PRKN: variants seen among roughly 807,000 people sequenced by gnomAD.
PRKN encodes E3 ubiquitin-protein ligase parkin.
A neutral mutation model predicts 59.5 loss-of-function variants in PRKN; 56 were observed. The ratio of observed to expected loss-of-function variants is 0.94; its 90% confidence interval spans 0.76 to 1.18. The LOEUF (loss-of-function observed/expected upper bound fraction) is 1.18. Among genes scored for constraint, PRKN ranks in the 50% most tolerant of loss-of-function variants. The probability of loss-of-function intolerance (pLI) is 0.00; values close to 1 mark genes in which losing one functional copy is unlikely to be tolerated. For missense variants in PRKN, 657 were observed against 596.4 expected, an observed-to-expected ratio of 1.10 and a Z score of -1.06; for synonymous variants, 250 against 222.1, an observed-to-expected ratio of 1.13 and a Z score of -1.12.
chr6:161,801,722 C>A (rs963672549), intron 6 of PRKN, among the ~76,000 whole-genome samples: 9 of 152,100 alleles, frequency 5.9e-5, no homozygotes, highest in Non-Finnish European at 7.4e-5. Flanking sequence ...TCTTTCTTCC[C>A]CACAGTCAAG....
At chr6:161,489,999 C>T (rs1402517682) in intron 9 of PRKN, among the ~76,000 whole-genome samples, 4 of 152,208 alleles carry the variant, frequency 2.6e-5, no homozygotes, top group African/African-American at 9.7e-5. Context: ...TTCTCCTTGC[C>T]CATCTGTTCC....
intron 1 of PRKN, among the ~76,000 whole-genome samples, chr6:162,523,339 T>C (rs377425131): frequency 2.8e-4 from 42 of 152,102 alleles, no homozygotes; most frequent in African/African-American, 9.6e-4. Context: ...CGATGGAAAG[T>C]AGAAATAGTA....
chr6:161,843,413 T>C (rs1793070605), intron 6 of PRKN, among the ~76,000 whole-genome samples: 1 of 152,244 alleles, frequency 6.6e-6, no homozygotes, highest in Non-Finnish European at 1.5e-5. Context: ...ACCTTCCACA[T>C]TTGTTCTTAT....
At chr6:162,218,003 G>A (rs2128078929) in intron 3 of PRKN, among the ~76,000 whole-genome samples, 1 of 152,292 alleles carries the variant, frequency 6.6e-6, no homozygotes, top group East Asian at 1.9e-4. Context: ...CGATTGAGAG[G>A]TAGACATGTC....
chr6:161,769,933 A>G (rs866306796), intron 7 of PRKN, among the ~76,000 whole-genome samples: 1 of 152,328 alleles, frequency 6.6e-6, no homozygotes, highest in East Asian at 1.9e-4. Flanking sequence ...TTTAGTCCAC[A>G]ATAACTGGAC....
chr6:161,731,954 A>T (rs1193377996), intron 7 of PRKN, among the ~76,000 whole-genome samples: 1 of 151,752 alleles, frequency 6.6e-6, no homozygotes, highest in African/African-American at 2.4e-5. Context: ...ATTTTTTTTT[A>T]ACTTTTGTTT....
At chr6:162,400,218 A>T (rs1787696219) in intron 2 of PRKN, among the ~76,000 whole-genome samples, 1 of 151,626 alleles carries the variant, frequency 6.6e-6, no homozygotes, top group Non-Finnish European at 1.5e-5. Flanking sequence ...AGAAAAAAAC[A>T]AACAAACAAC....
At chr6:162,058,675 G>T (rs1042505984) in intron 4 of PRKN, among the ~76,000 whole-genome samples, 1 of 152,158 alleles carries the variant, frequency 6.6e-6, no homozygotes, top group South Asian at 2.1e-4. Context: ...CTAATAGGCC[G>T]GGCATGGTGG....
chr6:162,721,557 C>A (rs1042682787), intron 1 of PRKN, among the ~76,000 whole-genome samples: 3 of 152,116 alleles, frequency 2.0e-5, no homozygotes, highest in Non-Finnish European at 4.4e-5. Flanking sequence ...GCCGCCTTCA[C>A]CTAGTTAACT....
chr6:162,144,355 A>G (rs752107864), intron 4 of PRKN, among the ~76,000 whole-genome samples: 3 of 152,228 alleles, frequency 2.0e-5, no homozygotes, highest in Non-Finnish European at 4.4e-5. Flanking sequence ...ATGTGATACG[A>G]TAACAAAAAA....
intron 8 of PRKN, among the ~76,000 whole-genome samples, chr6:161,557,162 T>G (rs184060365): frequency 6.6e-6 from 1 of 152,370 alleles, no homozygotes; most frequent in Non-Finnish European, 1.5e-5. Context: ...GTATGCGTTA[T>G]GCAGGTAGAA....
intron 1 of PRKN, among the ~76,000 whole-genome samples, chr6:162,677,467 A>G (rs1317383809): frequency 5.0e-4 from 3 of 6,034 alleles, no homozygotes; most frequent in African/African-American, 1.5e-3. Context: ...CACTGTGGAG[A>G]AAAAAAAAAA....
chr6:161,589,470 T>C (rs996886273), intron 7 of PRKN, among the ~76,000 whole-genome samples: 5 of 151,980 alleles, frequency 3.3e-5, no homozygotes, highest in Admixed American at 3.3e-4. Context: ...TGAAAGGAAA[T>C]ACAGATTTTT....
intron 2 of PRKN, among the ~76,000 whole-genome samples, chr6:162,297,315 C>T (rs1299365951): frequency 2.0e-5 from 3 of 151,896 alleles, no homozygotes; most frequent in Admixed American, 1.3e-4. Context: ...CAATGGCATC[C>T]GTTACAAGAT....
chr6:162,556,345 G>C (rs932620483), intron 1 of PRKN, among the ~76,000 whole-genome samples: 1 of 50,764 alleles, frequency 2.0e-5, no homozygotes, highest in South Asian at 1.1e-3. Context: ...CTCAGCTGGT[G>C]TGTGTGTGTG....
chr6:162,712,799 T>C (rs1309632066), intron 1 of PRKN, among the ~76,000 whole-genome samples: 1 of 152,206 alleles, frequency 6.6e-6, no homozygotes, highest in Non-Finnish European at 1.5e-5. Context: ...TCTGAGATTA[T>C]TTCATGGAAG....
At chr6:161,543,387 T>C (rs1779685357) in intron 9 of PRKN, among the ~76,000 whole-genome samples, 2 of 152,192 alleles carry the variant, frequency 1.3e-5, no homozygotes, top group African/African-American at 4.8e-5. Flanking sequence ...ATTTTTATAA[T>C]TTTCGAAACC....
chr6:161,953,770 G>A (rs1780071060), intron 6 of PRKN, among the ~76,000 whole-genome samples: 1 of 152,170 alleles, frequency 6.6e-6, no homozygotes, highest in Non-Finnish European at 1.5e-5. Flanking sequence ...CAGGAAGACT[G>A]GGCATCAGAG....
At chr6:162,284,677 T>A (rs532786512) in intron 2 of PRKN, among the ~76,000 whole-genome samples, 1 of 152,312 alleles carries the variant, frequency 6.6e-6, no homozygotes, top group Admixed American at 6.5e-5. Context: ...ACAAGAATAT[T>A]GGACAACTCA....
Sources: allele counts gnomAD v4.1 joint callset (sites outside exome capture counted in the v4.1 genomes callset), GRCh38; gene constraint gnomAD v4.1.1; transcripts MANE v1.5; gene names NCBI Gene and HGNC (gene_info 2026-07-23, HGNC 2026-07-21).